The following CTCFL variants were observed in gnomAD, a reference collection of about 807,000 sequenced individuals.
CTCFL encodes the protein CCCTC-binding factor like, also known as transcriptional repressor CTCFL.
A neutral mutation model predicts 67.4 loss-of-function variants in CTCFL; 36 were observed. The ratio of observed to expected loss-of-function variants is 0.53; its 90% CI spans 0.41 to 0.71. The LOEUF is 0.71. Among genes scored for constraint, CTCFL ranks in the 30% least tolerant of loss-of-function variants. The probability of loss-of-function intolerance (pLI) is 0.00; values close to 1 mark genes in which losing one functional copy is unlikely to be tolerated. For missense variants in CTCFL, 786 were observed against 835.2 expected, an observed-to-expected ratio of 0.94 and a Z score of 0.73; for synonymous variants, 324 against 302.3, an observed-to-expected ratio of 1.07 and a Z score of -0.75.
At chr20:57,499,939 G>C (rs1207640683) in intron 10 of CTCFL, 1 of 985,264 alleles carries the variant, frequency 1.0e-6, no homozygotes, top group African/African-American at 1.7e-5. Flanking sequence ...ACAGCCCACA[G>C]GTCCACGGCT....
At chr20:57,500,786 C>A (rs1488547398) in intron 10 of CTCFL, among the ~76,000 whole-genome samples, 2 of 152,128 alleles carry the variant, frequency 1.3e-5, no homozygotes, top group African/African-American at 4.8e-5. Flanking sequence ...TCAAAATTCA[C>A]CCCAAATCAT....
chr20:57,499,939 G>A lies in CTCFL; in HGVS notation c.1841-1238C>T, dbSNP rs1207640683. ...GAGGCCCAGTTCCTAACAGCCCACA[G>A]GTCCACGGCTGGGGGGTTGGGGAGC... is the stretch of plus-strand genomic sequence containing the variant. On this transcript the variant is annotated intron_variant, in intron 10 of 10. Transcript: ENST00000243914. 4.1e-6 allele frequency: 4 copies of A among 985,264 alleles called. No homozygotes were observed. In the African/African-American group the frequency reaches 7.0e-5, roughly 17 times the overall value. 61.0% of individuals were successfully genotyped at this position (985,264 alleles called of 1,614,324 possible).
rs1282629288 is a variant in CTCFL, at chr20:57,498,678, T to G, written c.1864A>C (p.Thr622Pro). Reference protein sequence around the residue: ...GDEAAAEEASTTKGEQFPGEM... With the variant: ...GDEAAAEEASPTKGEQFPGEM... ...CCTGGGAACTGTTCTCCCTTCGTGG[T>G]GGAAGCCTCCTCAGCAGCAGCTTCT... The change falls in exon 11 of 11, where the codon ACC (threonine) becomes CCC (proline). Residue 622 changes from threonine to proline, a missense_variant. Thr to Pro is a conservative substitution (Grantham distance 38). This residue lies in a region of CTCFL where 199 missense variants were observed against 196.7 expected (regional missense o/e 1.01). Transcript: ENST00000243914. 4 of 1,613,726 alleles carry G rather than the reference T, an allele frequency of 2.5e-6. No homozygotes were observed. The Admixed American group carries it at 6.7e-5, about 27-fold the overall frequency.
In CTCFL at chr20:57,519,390, A is replaced by C. The variant is rs1568878857; in HGVS notation, c.755-13T>G. Reference sequence around the variant, plus strand: ...GTTCCTTTTGCTCCTATAGGCAGGAAATAGTTTATGTATTTGTTAGAGGTT... The same window carrying C: ...GTTCCTTTTGCTCCTATAGGCAGGACATAGTTTATGTATTTGTTAGAGGTT... On this transcript the variant is annotated splice_polypyrimidine_tract_variant and intron_variant, in intron 3 of 10. Transcript: ENST00000243914. 3 of 1,609,882 alleles carry C rather than the reference A, an allele frequency of 1.9e-6. No individual in the cohort carries two copies. The highest frequency in any genetic ancestry group is 2.5e-6 in the Non-Finnish European group (3 of 1,176,852).
chr20:57,519,768 G>C (rs11699453), intron 3 of CTCFL, among the ~76,000 whole-genome samples: 1 of 152,034 alleles, frequency 6.6e-6, no homozygotes, highest in Admixed American at 6.5e-5. Context: ...ATTCTCTGTA[G>C]GGTGAACTAA....
At chr20:57,510,853 C>A (rs1257830538) in intron 8 of CTCFL, among the ~76,000 whole-genome samples, 6 of 151,944 alleles carry the variant, frequency 3.9e-5, no homozygotes, top group South Asian at 2.1e-4. Flanking sequence ...GAGACTCCGT[C>A]TAAAAAATAA....
chr20:57,525,622 G>C (rs535327280), upstream of CTCFL: 14 of 81,146 alleles, frequency 1.7e-4, no homozygotes, highest in African/African-American at 7.2e-4. Flanking sequence ...GCCCACAGGA[G>C]GCACTGAGAT....
intron 3 of CTCFL, among the ~76,000 whole-genome samples, chr20:57,520,555 A>G (rs2069276333): frequency 6.6e-6 from 1 of 152,216 alleles, no homozygotes; most frequent in Non-Finnish European, 1.5e-5. Flanking sequence ...ATTCTCAGTA[A>G]AAAAGAGAGC....
intron 3 of CTCFL, among the ~76,000 whole-genome samples, chr20:57,522,085 T>G (rs187446718): frequency 6.6e-6 from 1 of 152,296 alleles, no homozygotes; most frequent in East Asian, 1.9e-4. Context: ...AGCTCTTGAT[T>G]TAAACATATG....
In CTCFL at chr20:57,523,774, G is replaced by C. The variant is rs1187631792; in HGVS notation, c.432C>G (p.Ser144=). The change falls in exon 2 of 11, where the codon TCC becomes TCG. Residue 144 remains serine, a synonymous_variant. Transcript: ENST00000243914. ...VAISIQQELY[S]PQEMEVLQFH... ...ACTGCAACACCTCCATCTCTTGCGG[G>C]GAGTACAGCTCTTGCTGGATACTAA... 1.9e-6 allele frequency: 3 copies of C among 1,613,314 alleles called. No homozygotes were observed. Among genetic ancestry groups the C allele is most frequent in the East Asian group, 2.2e-5 (1 of 44,882 alleles).
chr20:57,504,142 GA>G, intron 9 of CTCFL, among the ~76,000 whole-genome samples: 1 of 151,654 alleles, frequency 6.6e-6, no homozygotes. Context: ...ACGCCCGGCT[GA>G]TTTTTTATAT....
chr20:57,505,182 T>G (rs913887300), intron 9 of CTCFL, among the ~76,000 whole-genome samples: 1 of 151,920 alleles, frequency 6.6e-6, no homozygotes, highest in African/African-American at 2.4e-5. Flanking sequence ...TGTGCTTAGC[T>G]CTAGCCAAAA....
At chr20:57,501,376 T>G in intron 10 of CTCFL, among the ~76,000 whole-genome samples, 1 of 69,550 alleles carries the variant, frequency 1.4e-5, no homozygotes, top group African/African-American at 5.8e-5. Context: ...CCTGCAGGGG[T>G]GAGTTGGCTG....
chr20:57,500,006 C>T, intron 10 of CTCFL: 2 of 986,652 alleles, frequency 2.0e-6, no homozygotes, highest in East Asian at 1.1e-4. Context: ...CAAACATCCA[C>T]AGAGCGCCAC....
chr20:57,510,134 G>A (rs975768322), intron 8 of CTCFL, among the ~76,000 whole-genome samples: 9 of 152,164 alleles, frequency 5.9e-5, no homozygotes, highest in South Asian at 2.1e-4. Context: ...AAAACACACA[G>A]TAAGCACTGA....
chr20:57,514,112 A>G (rs1209642661), intron 7 of CTCFL, among the ~76,000 whole-genome samples: 1 of 152,206 alleles, frequency 6.6e-6, no homozygotes, highest in Non-Finnish European at 1.5e-5. Context: ...TTAAGGGGAA[A>G]ACTGTGTCTT....
intron 9 of CTCFL, chr20:57,507,519 G>C: frequency 1.4e-6 from 1 of 696,096 alleles, no homozygotes; most frequent in Non-Finnish European, 2.6e-6. Flanking sequence ...TTTAGGACTA[G>C]ACTGCAAAAG....
Position 57,519,516 on chromosome 20 carries a change from C to T in CTCFL, c.755-139G>A, listed in dbSNP as rs115343523. On this transcript the variant is annotated intron_variant, in intron 3 of 10. Transcript: ENST00000243914. Reference sequence around the variant, plus strand: ...ATGCTATTTATATCCACAAGCTGATCGAAGCAATTCAGGACACCATGTTCC... The same window carrying T: ...ATGCTATTTATATCCACAAGCTGATTGAAGCAATTCAGGACACCATGTTCC... 1,447 of 734,068 alleles carry T rather than the reference C, an allele frequency of 2.0e-3. 18 individuals are homozygous for T. In the African/African-American group the frequency reaches 0.024, roughly 12 times the overall value. 45.5% of individuals were successfully genotyped at this position (734,068 alleles called of 1,614,324 possible). A position where few individuals can be genotyped will look rare whatever the true frequency, so the allele number is the denominator to read the frequency against.
At chr20:57,499,073 C>CGGGCG (rs2067782583) in intron 10 of CTCFL, among the ~76,000 whole-genome samples, 5 of 65,340 alleles carry the variant, frequency 7.7e-5, no homozygotes, top group East Asian at 4.9e-4. Flanking sequence ...CTGAAGGTGA[C>CGGGCG]GGGGGGGGGG....
Sources: allele counts gnomAD v4.1 joint callset (sites outside exome capture counted in the v4.1 genomes callset), GRCh38; gene constraint gnomAD v4.1.1; regional missense constraint gnomAD v4.1.1; transcripts MANE v1.5; gene names NCBI Gene and HGNC (gene_info 2026-07-23, HGNC 2026-07-21).